ZNF607: variants seen among roughly 807,000 people sequenced by gnomAD.
ZNF607 encodes the protein zinc finger protein 607.
In ZNF607, 5 loss-of-function variants were observed where a neutral mutation model predicts 12.8. The ratio of observed to expected loss-of-function variants is 0.39; its 90% CI spans 0.20 to 0.82. ZNF607 has a LOEUF of 0.82. ZNF607 is among the 40% of genes least tolerant of loss of function. ZNF607 has a pLI of 0.39. For synonymous variants in ZNF607, 287 were observed against 276.2 expected, an observed-to-expected ratio of 1.04 and a Z score of -0.39; for missense variants, 851 against 859.2, an observed-to-expected ratio of 0.99 and a Z score of 0.12.
At position 37,709,732 on chromosome 19, in the gene ZNF607, C is replaced by T. The variant is rs1166677734; in HGVS notation, c.100G>A (p.Val34Met). 1 of 1,614,076 alleles carries T rather than the reference C, an allele frequency of 6.2e-7. No individual in the cohort carries two copies. Among genetic ancestry groups the T allele is most frequent in the Non-Finnish European group, 8.5e-7 (1 of 1,179,930 alleles). Residue 34 changes from valine (V) to methionine (M), a missense_variant, in exon 3 of 5, where the codon GTG becomes ATG. By Grantham distance (21) the Val-to-Met change is conservative (BLOSUM62 1). Coordinates refer to ENST00000355202, the MANE Select transcript of ZNF607 (RefSeq NM_032689.5). ...SLVQKTLYQEVMMENYDNLVS... is the reference protein window; with the variant it reads ...SLVQKTLYQEMMMENYDNLVS... ...AAGTTGTCATAGTTCTCCATCATCACCTCCTGGTACAAGGTCTTCTGAACC... is the reference window on the plus strand; with the variant it reads ...AAGTTGTCATAGTTCTCCATCATCATCTCCTGGTACAAGGTCTTCTGAACC...
At chr19:37,701,790 T>C (rs1450784881) in intron 4 of ZNF607, among the ~76,000 whole-genome samples, 1 of 152,218 alleles carries the variant, frequency 6.6e-6, no homozygotes, top group Non-Finnish European at 1.5e-5. Flanking sequence ...CTAGCTAATA[T>C]GATTGCAACA....
At chr19:37,707,196 G>A (rs1012778054) in intron 4 of ZNF607, among the ~76,000 whole-genome samples, 2 of 152,174 alleles carry the variant, frequency 1.3e-5, no homozygotes, top group Admixed American at 6.5e-5. Context: ...TAACCACAAT[G>A]TGGATATAGA....
chr19:37,715,796 G>A (rs1356884563), intron 1 of ZNF607, among the ~76,000 whole-genome samples: 1 of 152,080 alleles, frequency 6.6e-6, no homozygotes, highest in East Asian at 1.9e-4. Flanking sequence ...ACATTTATGT[G>A]AGTATTTGTA....
Position 37,697,256 on chromosome 19 carries a change from C to G in ZNF607, c.*784G>C. On this transcript the variant is annotated 3_prime_UTR_variant, in exon 5 of 5. Transcript: ENST00000355202. ...TGAGAAAGTGAGTCCCTTCCCCTAC[C>G]ACAATGTTCTGTACTCCACGGAATT... The G allele has an allele frequency of 1.3e-6, 1 of 779,410 alleles. No individual in the cohort carries two copies. Among genetic ancestry groups the G allele is most frequent in the Admixed American group, 1.7e-5 (1 of 57,210 alleles). 48.3% of individuals were successfully genotyped at this position (779,410 alleles called of 1,614,324 possible).
chr19:37,697,850 GGTCATA>G lies in ZNF607; in HGVS notation c.*184_*189del, dbSNP rs1164660128. ...AATTCTCTGAATCTGAGTTAACACA[GGTCATA>G]CCAAAGAAACTGCATATATGATTTA... On this transcript the variant is annotated 3_prime_UTR_variant, in exon 5 of 5. Coordinates refer to ENST00000355202, the MANE Select transcript of ZNF607 (RefSeq NM_032689.5). 1 of 529,828 alleles carries G rather than the reference GGTCATA, an allele frequency of 1.9e-6. No individual in the cohort carries two copies. Among genetic ancestry groups the G allele is most frequent in the East Asian group, 3.1e-5 (1 of 32,716 alleles). 32.8% of individuals were successfully genotyped at this position (529,828 alleles called of 1,614,324 possible).
intron 1 of ZNF607, among the ~76,000 whole-genome samples, chr19:37,712,448 T>C (rs1481289047): frequency 1.3e-5 from 2 of 152,116 alleles, no homozygotes; most frequent in Non-Finnish European, 2.9e-5. Context: ...GAGTTCAAGG[T>C]TGCAGTGAGC....
In ZNF607 at chr19:37,698,447, C is replaced by T. The variant is rs775221607; in HGVS notation, c.1684G>A (p.Glu562Lys). ...QNIHSAEKPY[E>K]CKECGKAFRH... is the part of the protein sequence containing the mutation. Reference sequence around the variant, plus strand: ...AAGGCCTTGCCACATTCCTTACATTCGTAGGGTTTCTCAGCGCTATGAATA... The same window carrying T: ...AAGGCCTTGCCACATTCCTTACATTTGTAGGGTTTCTCAGCGCTATGAATA... The change falls in exon 5 of 5, where the codon GAA becomes AAA. Residue 562 changes from glutamate (E) to lysine (K), a missense_variant. Transcript: ENST00000355202. 4.3e-6 allele frequency: 7 copies of T among 1,614,002 alleles called. No individual in the cohort carries two copies. Among genetic ancestry groups the T allele is most frequent in the Non-Finnish European group, 4.2e-6 (5 of 1,179,976 alleles).
In ZNF607 at chr19:37,711,709, C is replaced by T; in HGVS notation, c.-74-17G>A. ...AACCAAGACCTGAAAGAAGAGAAGA[C>T]CTTGAGACCAGCTGTGCTTTAGTGG... On this transcript the variant is annotated splice_polypyrimidine_tract_variant and intron_variant, in intron 1 of 4. Transcript: ENST00000355202. The T allele has an allele frequency of 1.5e-6, 2 of 1,326,612 alleles. No individual in the cohort carries two copies. The highest frequency in any genetic ancestry group is 1.2e-5 in the South Asian group (1 of 84,144). The allele number at this position is 1,326,612 out of a possible 1,614,324, so 82.2% of individuals were successfully genotyped here. A position where few individuals can be genotyped will look rare whatever the true frequency, so the allele number is the denominator to read the frequency against.
chr19:37,701,254 G>A (rs192027023), intron 4 of ZNF607, among the ~76,000 whole-genome samples: 2 of 152,276 alleles, frequency 1.3e-5, no homozygotes, highest in East Asian at 3.9e-4. Context: ...AAATAGTAGT[G>A]TTGAATATGA....
rs1568405973 is a variant in ZNF607 at position 37,707,869 on chromosome 19, C to CTATT, written c.235+41_235+44dup. 3 of 1,442,836 alleles carry CTATT rather than the reference C, an allele frequency of 2.1e-6. No individual in the cohort carries two copies. The Admixed American group carries it at 5.4e-5, about 26-fold the overall frequency. The allele number at this position is 1,442,836 out of a possible 1,614,324, so 89.4% of individuals were successfully genotyped here. On this transcript the variant is annotated intron_variant, in intron 4 of 4. Transcript: ENST00000355202. ...AATGAGATGACCACTTCCACGAGGG[C>CTATT]TATTTGCATACAAAAATGGCTGCCC...
Position 37,698,560 on chromosome 19 carries a change from A to C in ZNF607, c.1571T>G (p.Leu524Arg), listed in dbSNP as rs1470984840. 1.9e-6 allele frequency: 3 copies of C among 1,611,632 alleles called. No homozygotes were observed. The South Asian group carries it at 3.3e-5, about 18-fold the overall frequency. Residue 524 changes from leucine (L) to arginine (R), a missense_variant, in exon 5 of 5, where the codon CTG (leucine) becomes CGG (arginine). Physicochemically the swap from Leu to Arg is moderately radical, Grantham distance 102 (BLOSUM62 -2). Coordinates refer to ENST00000355202, the MANE Select transcript of ZNF607 (RefSeq NM_032689.5). The stretch of plus-strand genomic sequence containing the variant: ...GGGTTTCTTACCACTGTGAATACTC[A>C]GATGCTGAGTAAGTTGTCCAGATAC... ...FSVSGQLTQHLSIHSGKKPFE... is the reference protein window; with the variant it reads ...FSVSGQLTQHRSIHSGKKPFE...
intron 1 of ZNF607, among the ~76,000 whole-genome samples, chr19:37,715,603 TAAAA>T (rs767020720): frequency 2.3e-5 from 3 of 129,210 alleles, no homozygotes; most frequent in African/African-American, 8.5e-5. Flanking sequence ...AAACTCCATC[TAAAA>T]AAAAAAAAAA....
In ZNF607 at chr19:37,716,902, A is replaced by T. The variant is rs192533806; in HGVS notation, c.-75+2367T>A. On this transcript the variant is annotated intron_variant, in intron 1 of 4. Coordinates refer to ENST00000355202, the MANE Select transcript of ZNF607 (RefSeq NM_032689.5). ...AGAATGAAAAATCAGCGTGACTAAA[A>T]CATGTAACTCTTTGTCTTCTTGAAC... Among the ~76,000 whole-genome samples, 460 of 152,352 alleles carry T rather than the reference A, an allele frequency of 3.0e-3. 13 individuals carry two copies. The highest frequency in any genetic ancestry group is 0.028 in the Admixed American group (422 of 15,302).
rs369809279 is a variant in ZNF607, at chr19:37,698,517, G to C, written c.1614C>G (p.Cys538Trp). The stretch of plus-strand genomic sequence containing the variant: ...CAGAAATGAACCTAAAAGACTTCCC[G>C]CATTTGTTGCATTCAAAGGGTTTCT... Reference protein sequence around the residue: ...SGKKPFECNKCGKSFRFISVL... With the variant: ...SGKKPFECNKWGKSFRFISVL... Residue 538 changes from cysteine (C) to tryptophan (W), a missense_variant, in exon 5 of 5, where the codon TGC becomes TGG. Coordinates refer to ENST00000355202, the MANE Select transcript of ZNF607 (RefSeq NM_032689.5). 1 of 1,611,502 alleles carries C rather than the reference G, an allele frequency of 6.2e-7. No homozygotes were observed. The highest frequency in any genetic ancestry group is 1.3e-5 in the African/African-American group (1 of 74,774).
rs769491499 is a variant in ZNF607, at chr19:37,707,928, CTT to C, written c.219_220del (p.Gly75ArgfsTer10). 1.2e-6 allele frequency: 2 copies of C among 1,613,990 alleles called. No individual in the cohort carries two copies. The highest frequency in any genetic ancestry group is 2.2e-5 in the East Asian group (1 of 44,880). Reference sequence around the variant, plus strand: ...CTTGCTCTTACCTGTACACTCTCCTCTTGTTTCTTCCCTCACAATCATCCATG... The same window carrying C: ...CTTGCTCTTACCTGTACACTCTCCTCGTTTCTTCCCTCACAATCATCCATG... On this transcript the variant is annotated frameshift_variant, in exon 4 of 5. Transcript: ENST00000355202. LOFTEE classifies it low-confidence loss of function (END_TRUNC).
chr19:37,701,436 C>T (rs897309324), intron 4 of ZNF607, among the ~76,000 whole-genome samples: 5 of 152,188 alleles, frequency 3.3e-5, no homozygotes, highest in Admixed American at 1.3e-4. Flanking sequence ...CCTGCTCTGC[C>T]CTGACTCCCG....
At chr19:37,700,513 G>A (rs567150263) in intron 4 of ZNF607, among the ~76,000 whole-genome samples, 2 of 152,262 alleles carry the variant, frequency 1.3e-5, no homozygotes, top group Admixed American at 1.3e-4. Context: ...TTTCATTGAA[G>A]AATGATCAGG....
intron 4 of ZNF607, among the ~76,000 whole-genome samples, chr19:37,702,264 G>GCAA (rs1457066726): frequency 7.3e-6 from 1 of 136,794 alleles, no homozygotes; most frequent in East Asian, 2.1e-4. Context: ...TCCAGCCTGG[G>GCAA]CAACAACAGC....
intron 3 of ZNF607, 84 bp from the exon 4 acceptor site, chr19:37,708,096 T>C (rs1453731946): frequency 9.5e-7 from 1 of 1,048,014 alleles, no homozygotes; most frequent in Non-Finnish European, 1.4e-6. Context: ...AAATGAAAGG[T>C]CAAAGTGATA....
Sources: allele counts gnomAD v4.1 joint callset (sites outside exome capture counted in the v4.1 genomes callset), GRCh38; gene constraint gnomAD v4.1.1; transcripts MANE v1.5; gene names NCBI Gene and HGNC (gene_info 2026-07-23, HGNC 2026-07-21).